Variants in CYTL1 observed in about 807,000 individuals in gnomAD.
The protein encoded by CYTL1 is cytokine like 1, also known as cytokine-like protein 1.
CYTL1 carries 17 observed loss-of-function variants against 13.1 expected under a neutral mutation model. The ratio of observed to expected loss-of-function variants is 1.29; its 90% CI spans 0.89 to 1.94. CYTL1 has a LOEUF of 1.94. Ranked by LOEUF, CYTL1 falls within the 30% of genes most tolerant of loss-of-function variation. CYTL1 has a pLI of 0.00. For missense variants in CYTL1, 213 were observed against 174.8 expected, an observed-to-expected ratio of 1.22 and a Z score of -1.23; for synonymous variants, 91 against 79.4, an observed-to-expected ratio of 1.15 and a Z score of -0.78.
chr4:5,018,285 C>T (rs977297057), intron 1 of CYTL1, among the ~76,000 whole-genome samples: 4 of 152,116 alleles, frequency 2.6e-5, no homozygotes, highest in African/African-American at 4.8e-5. Context: ...CACAATGCTA[C>T]GGCAGCAGCT....
chr4:5,019,240 T>C, intron 1 of CYTL1, 53 bp downstream of exon 1: 1 of 1,352,326 alleles, frequency 7.4e-7, no homozygotes, highest in Non-Finnish European at 9.6e-7. Context: ...AAGGCAAGGG[T>C]TTAAGAACTG....
intron 2 of CYTL1, 34 bp downstream of exon 2, chr4:5,017,101 C>G (rs1454882146): frequency 6.2e-7 from 1 of 1,611,514 alleles, no homozygotes; most frequent in Admixed American, 1.7e-5. Context: ...TCCCTCAGCC[C>G]AAGACCTCCC....
At position 5,019,277 on chromosome 4, in the gene CYTL1, C is replaced by A; in HGVS notation, c.153+16G>T. 2 of 1,459,342 alleles carry A rather than the reference C, an allele frequency of 1.4e-6. No individual in the cohort carries two copies. The highest frequency in any genetic ancestry group is 1.8e-6 in the Non-Finnish European group (2 of 1,107,784). 90.4% of individuals were successfully genotyped at this position (1,459,342 alleles called of 1,614,324 possible). A position where few individuals can be genotyped will look rare whatever the true frequency, so the allele number is the denominator to read the frequency against. ...GTCTGCCATGCACCCCTGTCCTGAG[C>A]GGGCGGGGGACTCACCGAGGGCTCC... On this transcript the variant is annotated intron_variant, in intron 1 of 3. Coordinates refer to ENST00000307746, the MANE Select transcript of CYTL1 (RefSeq NM_018659.3).
chr4:5,017,141 G>A lies in CYTL1; in HGVS notation c.192C>T (p.Asp64=). 1 of 1,613,980 alleles carries A rather than the reference G, an allele frequency of 6.2e-7. No homozygotes were observed. Among genetic ancestry groups the A allele is most frequent in the Non-Finnish European group, 8.5e-7 (1 of 1,179,930 alleles). ...CCAGGGAGAACCCTCTTACGTGTAT[G>A]TCCAGGTACAGCCTGGGCAGGTATC... ...CVRYLPRLYL[D]IHNYCVLDKL... is the part of the protein sequence containing the mutation. The change falls in exon 2 of 4, where the codon GAC becomes GAT. Residue 64 remains aspartate, a synonymous_variant. Transcript: ENST00000307746.
chr4:5,017,457 C>T (rs75694409), intron 1 of CYTL1, among the ~76,000 whole-genome samples: 15,976 of 151,954 alleles, frequency 0.11, 1,198 homozygotes, highest in African/African-American at 0.22. Flanking sequence ...TATACATACA[C>T]GTATATACAT....
chr4:5,017,319 C>G, intron 1 of CYTL1, 140 bp from the exon 2 acceptor site: 1 of 691,544 alleles, frequency 1.4e-6, no homozygotes, highest in Non-Finnish European at 2.4e-6. Flanking sequence ...ACAGTACTTT[C>G]TTGTGTCATA....
At chr4:5,019,003 C>CTTTTTTTTTTTTTTTT (rs1186542271) in intron 1 of CYTL1, among the ~76,000 whole-genome samples, 128 of 89,574 alleles carry the variant, frequency 1.4e-3, no homozygotes, top group African/African-American at 1.9e-3. Context: ...TTTCTTTTTT[C>CTTTTTTTTTTTTTTTT]TTTTTTTTTT....
At chr4:5,017,632 A>AT (rs1475312908) in intron 1 of CYTL1, among the ~76,000 whole-genome samples, 2 of 150,218 alleles carry the variant, frequency 1.3e-5, no homozygotes, top group African/African-American at 4.9e-5. Context: ...TAATATACTT[A>AT]TATAATAACT....
rs561276037 is a variant in CYTL1, at chr4:5,018,214, A to ACG, written c.154-1036_154-1035insCG. On this transcript the variant is annotated intron_variant, in intron 1 of 3. Transcript: ENST00000307746. ...CCAAATTTTGTTTACACACACACAC[A>ACG]CACACAACACACACGTATTTGAATA... Among the ~76,000 whole-genome samples, 684 of 152,296 alleles carry ACG rather than the reference A, an allele frequency of 4.5e-3. 5 individuals are homozygous for ACG. Among genetic ancestry groups the ACG allele is most frequent in the African/African-American group, 0.015 (638 of 41,558 alleles).
rs149623196 is a variant in CYTL1, at chr4:5,016,876, G to A, written c.287C>T (p.Ala96Val). Reference protein sequence around the residue: ...VAQVDSLKDKARKLYTIMNSF... With the variant: ...VAQVDSLKDKVRKLYTIMNSF... ...GTTCATGATGGTGTACAGCTTCCGTGCTTTGTCCTTCAAGGAATCTACCTG... is the reference window on the plus strand; with the variant it reads ...GTTCATGATGGTGTACAGCTTCCGTACTTTGTCCTTCAAGGAATCTACCTG... The change falls in exon 3 of 4, where the codon GCA (alanine) becomes GTA (valine). Residue 96 changes from alanine to valine, a missense_variant. Coordinates refer to ENST00000307746, the MANE Select transcript of CYTL1 (RefSeq NM_018659.3). 4 of 1,614,218 alleles carry A rather than the reference G, an allele frequency of 2.5e-6. No homozygotes were observed. The highest frequency in any genetic ancestry group is 3.4e-6 in the Non-Finnish European group (4 of 1,180,046).
At chr4:5,019,003 CTTTTTTTTTTTTTT>C (rs1186542271) in intron 1 of CYTL1, among the ~76,000 whole-genome samples, 9 of 89,646 alleles carry the variant, frequency 1.0e-4, no homozygotes, top group African/African-American at 1.3e-4. Flanking sequence ...TTTCTTTTTT[CTTTTTTTTTTTTTT>C]TTTTTTTTTT....
intron 2 of CYTL1, 54 bp from the exon 3 acceptor site, chr4:5,017,018 A>G: frequency 3.1e-6 from 5 of 1,611,362 alleles, no homozygotes; most frequent in East Asian, 4.5e-5. Context: ...AGCAAGAGGA[A>G]CAGGGACTGA....
At chr4:5,017,049 G>A in intron 2 of CYTL1, 85 bp from the exon 3 acceptor site, 1 of 1,606,420 alleles carries the variant, frequency 6.2e-7, no homozygotes, top group Non-Finnish European at 8.5e-7. Context: ...ATCTCTCCCT[G>A]ACTCTGTGCC....
intron 1 of CYTL1, among the ~76,000 whole-genome samples, chr4:5,017,890 C>T (rs975267966): frequency 2.0e-5 from 3 of 152,204 alleles, no homozygotes; most frequent in Non-Finnish European, 2.9e-5. Flanking sequence ...GTGCTCTGCC[C>T]TCTCAGTAAT....
chr4:5,015,309 G>T, intron 3 of CYTL1, 75 bp from the exon 4 acceptor site: 1 of 1,171,600 alleles, frequency 8.5e-7, no homozygotes, highest in Non-Finnish European at 1.3e-6. Context: ...TAGGGCTCTT[G>T]GTTATCCTCA....
chr4:5,019,307 C>T lies in CYTL1; in HGVS notation c.139G>A (p.Val47Ile). The T allele has an allele frequency of 1.3e-6, 2 of 1,501,512 alleles. No individual in the cohort carries two copies. The highest frequency in any genetic ancestry group is 1.8e-6 in the Non-Finnish European group (2 of 1,128,534). 93.0% of individuals were successfully genotyped at this position (1,501,512 alleles called of 1,614,324 possible). ...EITRDFNLLQ[V>I]SEPSEPCVRY... is the part of the protein sequence containing the mutation. ...GGGGGACTCACCGAGGGCTCCGAGA[C>T]CTGCAGGAGGTTGAAGTCGCGGGTG... is the stretch of plus-strand genomic sequence containing the variant. Residue 47 changes from valine (V) to isoleucine (I), a missense_variant, in exon 1 of 4, where the codon GTC becomes ATC. By Grantham distance (29) the Val-to-Ile change is conservative (BLOSUM62 3). Transcript: ENST00000307746.
chr4:5,016,418 G>A lies in CYTL1; in HGVS notation c.327+418C>T, dbSNP rs532987221. Among the ~76,000 whole-genome samples, 3 of 152,360 alleles carry A rather than the reference G, an allele frequency of 2.0e-5. No individual in the cohort carries two copies. In the East Asian group the frequency reaches 5.8e-4, roughly 29 times the overall value. On this transcript the variant is annotated intron_variant, in intron 3 of 3. Transcript: ENST00000307746. ...TCAGGGCTCTCTGATGCTGAAGTCT[G>A]TGCCCTGCAATCACATGCCTCTACT...
chr4:5,019,353 C>A lies in CYTL1; in HGVS notation c.93G>T (p.Met31Ile). Residue 31 changes from methionine to isoleucine, a missense_variant, in exon 1 of 4, where the codon ATG becomes ATT. Physicochemically the swap from Met to Ile is conservative, Grantham distance 10. Coordinates refer to ENST00000307746, the MANE Select transcript of CYTL1 (RefSeq NM_018659.3). ...RPTPPTCYSR[M>I]RALSQEITRD... The stretch of plus-strand genomic sequence containing the variant: ...GGGTGATCTCCTGGCTCAGGGCCCG[C>A]ATGCGGGAGTAGCAGGTCGGGGGAG... 1 of 1,514,776 alleles carries A rather than the reference C, an allele frequency of 6.6e-7. No homozygotes were observed. Among genetic ancestry groups the A allele is most frequent in the Admixed American group, 2.5e-5 (1 of 39,416 alleles). The allele number at this position is 1,514,776 out of a possible 1,614,324, so 93.8% of individuals were successfully genotyped here. A position where few individuals can be genotyped will look rare whatever the true frequency, so the allele number is the denominator to read the frequency against.
In CYTL1 at chr4:5,014,833, A is replaced by T. The variant is rs6819838; in HGVS notation, c.*318T>A. ...AGTAATAAAAACATACTATTGTGCA[A>T]GTTCTCAAAATAGTTGTTCATAAAA... On this transcript the variant is annotated 3_prime_UTR_variant, in exon 4 of 4. Coordinates refer to ENST00000307746, the MANE Select transcript of CYTL1 (RefSeq NM_018659.3). 314,156 of 315,704 alleles carry T rather than the reference A, an allele frequency of 1. 156,333 individuals are homozygous for T. The highest frequency in any genetic ancestry group is 1 in the East Asian group (11,914 of 11,914). 19.6% of individuals were successfully genotyped at this position (315,704 alleles called of 1,614,324 possible). A position where few individuals can be genotyped will look rare whatever the true frequency, so the allele number is the denominator to read the frequency against.
Sources: allele counts gnomAD v4.1 joint callset (sites outside exome capture counted in the v4.1 genomes callset), GRCh38; gene constraint gnomAD v4.1.1; transcripts MANE v1.5; gene names NCBI Gene and HGNC (gene_info 2026-07-23, HGNC 2026-07-21).